Variants in MCC observed in about 807,000 individuals in gnomAD.
MCC encodes colorectal mutant cancer protein.
Under a neutral mutation model 116.2 loss-of-function variants are expected in MCC, and 90 were observed. The observed-to-expected ratio is 0.77, with a 90% confidence interval of 0.65 to 0.92. The LOEUF (loss-of-function observed/expected upper bound fraction) is 0.92, where lower values mean the gene tolerates loss of function less well. MCC is among the 40% of genes least tolerant of loss of function. MCC has a pLI of 0.00. For missense variants in MCC, 1,516 were observed against 1,312.2 expected (o/e 1.16, Z -2.40); for synonymous variants, 578 against 510.5 (o/e 1.13, Z -1.78).
At chr5:113,206,027 G>A (rs1762897944) in intron 3 of MCC, among the ~76,000 whole-genome samples, 1 of 152,248 alleles carries the variant, frequency 6.6e-6, no homozygotes, top group Non-Finnish European at 1.5e-5. Flanking sequence ...GCTGGCATCT[G>A]CAGTGAGCAG....
chr5:113,120,572 T>C (rs554836066), intron 6 of MCC, among the ~76,000 whole-genome samples: 1 of 152,346 alleles, frequency 6.6e-6, no homozygotes, highest in African/African-American at 2.4e-5. Context: ...ATTACCTCAT[T>C]CATTCATTCC....
At chr5:113,289,305 G>A (rs1766389392) in intron 3 of MCC, among the ~76,000 whole-genome samples, 1 of 148,634 alleles carries the variant, frequency 6.7e-6, no homozygotes, top group African/African-American at 2.5e-5. Context: ...CTCTAGCCTG[G>A]GTAACACAGA....
Position 113,151,323 on chromosome 5 carries a change from A to G in MCC, c.727T>C (p.Leu243=), listed in dbSNP as rs776966877. 6.2e-6 allele frequency: 10 copies of G among 1,612,806 alleles called. No homozygotes were observed. The highest frequency in any genetic ancestry group is 1.1e-5 in the South Asian group (1 of 90,930). Reference sequence around the variant, plus strand: ...AGATCCCTTACCTGTGCCTTGGCCAATTTCTTTTCCAGAAGGTCCCGTTCC... The same window carrying G: ...AGATCCCTTACCTGTGCCTTGGCCAGTTTCTTTTCCAGAAGGTCCCGTTCC... ...ERERDLLEKK[L]AKAQCEQSHL... The change falls in exon 4 of 19, where the codon TTG becomes CTG. Residue 243 remains leucine (L), a synonymous_variant. Transcript: ENST00000408903.
At chr5:113,377,028 A>G (rs1342481682) in intron 2 of MCC, among the ~76,000 whole-genome samples, 1 of 152,212 alleles carries the variant, frequency 6.6e-6, no homozygotes, top group African/African-American at 2.4e-5. Context: ...GGCTGCTGGA[A>G]GCCATGACCA....
At chr5:113,281,032 C>T (rs1349259542) in intron 3 of MCC, among the ~76,000 whole-genome samples, 12 of 152,234 alleles carry the variant, frequency 7.9e-5, no homozygotes, top group Non-Finnish European at 1.6e-4. Flanking sequence ...AACTTCAAAA[C>T]ACTGGCAGGA....
At chr5:113,148,424 C>T (rs781728102) in intron 4 of MCC, among the ~76,000 whole-genome samples, 1 of 152,236 alleles carries the variant, frequency 6.6e-6, no homozygotes, top group Non-Finnish European at 1.5e-5. Context: ...TCAACCAGTT[C>T]CAGTGTCACC....
chr5:113,120,816 T>C (rs1315030771), intron 6 of MCC, among the ~76,000 whole-genome samples: 1 of 152,220 alleles, frequency 6.6e-6, no homozygotes, highest in Non-Finnish European at 1.5e-5. Context: ...CAGCTGCTTT[T>C]CTTCAGCCCA....
intron 14 of MCC, among the ~76,000 whole-genome samples, chr5:113,057,078 A>G (rs1222532942): frequency 5.9e-5 from 9 of 152,204 alleles, no homozygotes; most frequent in Non-Finnish European, 1.3e-4. Context: ...TGCAGGACAC[A>G]GTAAATGCAA....
chr5:113,463,927 T>C (rs1399038386), intron 1 of MCC, among the ~76,000 whole-genome samples: 1 of 151,854 alleles, frequency 6.6e-6, no homozygotes, highest in Non-Finnish European at 1.5e-5. Flanking sequence ...GCAAAGGAGA[T>C]AGAAAGGAAT....
intron 3 of MCC, among the ~76,000 whole-genome samples, chr5:113,245,113 G>A (rs1764521301): frequency 6.6e-6 from 1 of 152,012 alleles, no homozygotes; most frequent in Non-Finnish European, 1.5e-5. Context: ...CCAATATGAT[G>A]AAACCCCGTC....
At chr5:113,069,454 G>C (rs1222352390) in intron 12 of MCC, among the ~76,000 whole-genome samples, 1 of 152,268 alleles carries the variant, frequency 6.6e-6, no homozygotes, top group Non-Finnish European at 1.5e-5. Context: ...CAGGGTCCCA[G>C]ATAATATGCC....
chr5:113,322,576 T>G (rs1302399222), intron 3 of MCC, among the ~76,000 whole-genome samples: 1 of 152,216 alleles, frequency 6.6e-6, no homozygotes, highest in Non-Finnish European at 1.5e-5. Flanking sequence ...ATTATTCAAT[T>G]AAACTTTCTT....
intron 3 of MCC, among the ~76,000 whole-genome samples, chr5:113,237,799 T>C (rs1051709468): frequency 1.3e-5 from 2 of 152,258 alleles, no homozygotes; most frequent in African/African-American, 4.8e-5. Flanking sequence ...TGATGTTGGC[T>C]GGATGCGACA....
At chr5:113,199,833 T>C (rs1405237198) in intron 3 of MCC, among the ~76,000 whole-genome samples, 1 of 152,138 alleles carries the variant, frequency 6.6e-6, no homozygotes, top group Non-Finnish European at 1.5e-5. Context: ...CAGGAATGAG[T>C]GACACCACTC....
At chr5:113,369,143 T>C (rs1227526195) in intron 2 of MCC, among the ~76,000 whole-genome samples, 1 of 152,044 alleles carries the variant, frequency 6.6e-6, no homozygotes, top group Non-Finnish European at 1.5e-5. Flanking sequence ...CTTCATTACA[T>C]AGGCATGATT....
intron 3 of MCC, among the ~76,000 whole-genome samples, chr5:113,176,599 G>A (rs1042593384): frequency 6.6e-6 from 1 of 152,154 alleles, no homozygotes. Flanking sequence ...GACACTTGAT[G>A]TGGCCCAAAC....
At chr5:113,070,745 CA>C in intron 12 of MCC, among the ~76,000 whole-genome samples, 1 of 152,084 alleles carries the variant, frequency 6.6e-6, no homozygotes, top group Middle Eastern at 3.4e-3. Flanking sequence ...AAGACTACAA[CA>C]AAATGAAGAA....
At chr5:113,110,474 C>T (rs1757022703) in intron 6 of MCC, among the ~76,000 whole-genome samples, 1 of 152,258 alleles carries the variant, frequency 6.6e-6, no homozygotes, top group Admixed American at 6.5e-5. Flanking sequence ...GTACACGGTA[C>T]TTCATACGTG....
At chr5:113,222,941 C>T (rs950513417) in intron 3 of MCC, among the ~76,000 whole-genome samples, 3 of 152,114 alleles carry the variant, frequency 2.0e-5, no homozygotes, top group Admixed American at 1.3e-4. Flanking sequence ...ATTACAAAGG[C>T]GAAGAAGGCA....
Sources: allele counts gnomAD v4.1 joint callset (sites outside exome capture counted in the v4.1 genomes callset), GRCh38; gene constraint gnomAD v4.1.1; transcripts MANE v1.5; gene names NCBI Gene and HGNC (gene_info 2026-07-23, HGNC 2026-07-21).